Variants in SPAG16 observed in about 807,000 individuals in gnomAD.
SPAG16 encodes the protein sperm-associated antigen 16 protein.
In SPAG16, 86 loss-of-function variants were observed where a neutral mutation model predicts 80.4. That is an observed-to-expected ratio of 1.07 (90% confidence interval 0.90 to 1.28). The LOEUF is 1.28. Among genes scored for constraint, SPAG16 ranks in the 50% most tolerant of loss-of-function variants. The probability of loss-of-function intolerance (pLI) is 0.00; values close to 1 mark genes in which losing one functional copy is unlikely to be tolerated. For missense variants in SPAG16, 870 were observed against 765.3 expected, an observed-to-expected ratio of 1.14 and a Z score of -1.61; for synonymous variants, 294 against 265.9, an observed-to-expected ratio of 1.11 and a Z score of -1.03.
intron 10 of SPAG16, among the ~76,000 whole-genome samples, chr2:213,861,860 G>A (rs1294595842): frequency 6.6e-6 from 1 of 152,108 alleles, no homozygotes; most frequent in Non-Finnish European, 1.5e-5. Context: ...TATAGAGTGG[G>A]AATTGCCTTA....
intron 5 of SPAG16, among the ~76,000 whole-genome samples, chr2:213,319,535 T>G (rs1410915684): frequency 2.0e-5 from 3 of 151,930 alleles, no homozygotes; most frequent in African/African-American, 7.2e-5. Flanking sequence ...TTCTCAAAAG[T>G]GTTTTGTACT....
At position 214,228,362 on chromosome 2, in the gene SPAG16, A is replaced by G. The variant is rs141128251; in HGVS notation, c.1720+79096A>G. On this transcript the variant is annotated intron_variant, in intron 15 of 15. Transcript: ENST00000331683. ...AGCATTATATCACAGCTGATCAAGT[A>G]ATTTATCATGTTAACATATTAAAAT... Among the ~76,000 whole-genome samples the G allele has an allele frequency of 9.0e-3, 1,367 of 152,034 alleles. 9 individuals carry two copies. Among genetic ancestry groups the G allele is most frequent in the Non-Finnish European group, 0.015 (1,050 of 67,888 alleles).
chr2:214,331,781 T>C (rs1188056055), intron 15 of SPAG16, among the ~76,000 whole-genome samples: 1 of 152,226 alleles, frequency 6.6e-6, no homozygotes, highest in Non-Finnish European at 1.5e-5. Context: ...AGAAGGTCTC[T>C]AGGTCTGAGA....
At chr2:214,261,944 C>T (rs1425481660) in intron 15 of SPAG16, among the ~76,000 whole-genome samples, 1 of 152,096 alleles carries the variant, frequency 6.6e-6, no homozygotes, top group Admixed American at 6.5e-5. Context: ...AGACAAACAT[C>T]TCTGTAAATA....
At chr2:213,348,991 A>G (rs1452293349) in intron 6 of SPAG16, among the ~76,000 whole-genome samples, 2 of 152,228 alleles carry the variant, frequency 1.3e-5, no homozygotes, top group Non-Finnish European at 2.9e-5. Flanking sequence ...TATACATTTC[A>G]AAGGATGGAT....
chr2:213,346,397 G>A (rs1021370956), intron 6 of SPAG16, among the ~76,000 whole-genome samples: 3 of 152,084 alleles, frequency 2.0e-5, no homozygotes, highest in African/African-American at 7.2e-5. Flanking sequence ...TGATTGCCCT[G>A]GCCAGAACTT....
intron 15 of SPAG16, among the ~76,000 whole-genome samples, chr2:214,358,992 TCA>T (rs1698999433): frequency 1.3e-5 from 2 of 152,050 alleles, no homozygotes; most frequent in Middle Eastern, 3.4e-3. Context: ...TCTTACAGTT[TCA>T]CAGAGTTATA....
intron 15 of SPAG16, among the ~76,000 whole-genome samples, chr2:214,172,431 C>A (rs991873814): frequency 6.6e-6 from 1 of 151,158 alleles, no homozygotes; most frequent in African/African-American, 2.4e-5. Flanking sequence ...GAACTCATCA[C>A]GTTTTATGGC....
At chr2:214,187,852 G>C (rs1051059176) in intron 15 of SPAG16, among the ~76,000 whole-genome samples, 6 of 151,756 alleles carry the variant, frequency 4.0e-5, no homozygotes, top group African/African-American at 1.5e-4. Flanking sequence ...AATGAAATAG[G>C]CTCCAAACTT....
At chr2:213,791,007 T>C (rs552034531) in intron 10 of SPAG16, among the ~76,000 whole-genome samples, 18 of 152,220 alleles carry the variant, frequency 1.2e-4, no homozygotes, top group African/African-American at 3.4e-4. Flanking sequence ...CACTGAGAAA[T>C]CCCTGGTGGT....
At chr2:214,070,310 A>G (rs1366739660) in intron 13 of SPAG16, among the ~76,000 whole-genome samples, 1 of 151,956 alleles carries the variant, frequency 6.6e-6, no homozygotes, top group East Asian at 1.9e-4. Flanking sequence ...TACCAGATGA[A>G]TATTTACTTA....
chr2:214,310,153 T>TTTTC (rs1270669483), intron 15 of SPAG16, among the ~76,000 whole-genome samples: 1 of 140,962 alleles, frequency 7.1e-6, no homozygotes, highest in Non-Finnish European at 1.5e-5. Context: ...GAAACCGTCA[T>TTTTC]TTTCTTTCTT....
intron 10 of SPAG16, among the ~76,000 whole-genome samples, chr2:213,770,768 T>A (rs2069197400): frequency 1.3e-5 from 2 of 152,166 alleles, no homozygotes; most frequent in Non-Finnish European, 2.9e-5. Flanking sequence ...TCAAGCTCCA[T>A]CCATGTCCCT....
chr2:213,999,500 A>G (rs2046687836), intron 12 of SPAG16, among the ~76,000 whole-genome samples: 1 of 152,254 alleles, frequency 6.6e-6, no homozygotes, highest in South Asian at 2.1e-4. Flanking sequence ...GTGCTCATGA[A>G]GAACCTCTGC....
At chr2:214,076,081 AT>A in intron 13 of SPAG16, among the ~76,000 whole-genome samples, 2 of 152,276 alleles carry the variant, frequency 1.3e-5, no homozygotes, top group East Asian at 3.9e-4. Context: ...TAGAGTATAT[AT>A]TTAAATGCAG....
chr2:213,583,800 G>A (rs2060375186), intron 10 of SPAG16, among the ~76,000 whole-genome samples: 1 of 152,228 alleles, frequency 6.6e-6, no homozygotes, highest in South Asian at 2.1e-4. Context: ...GACAATGAAA[G>A]ACAATTTTGT....
At chr2:213,286,656 G>A (rs952061951) in intron 1 of SPAG16, among the ~76,000 whole-genome samples, 11 of 152,282 alleles carry the variant, frequency 7.2e-5, no homozygotes, top group Middle Eastern at 3.4e-3. Context: ...CCTCTGCTTC[G>A]CACATATACT....
intron 10 of SPAG16, among the ~76,000 whole-genome samples, chr2:213,821,079 C>T (rs12464580): frequency 0.61 from 92,362 of 151,830 alleles, 30,089 homozygotes; most frequent in South Asian, 0.86. Context: ...TTTGTTCTGC[C>T]GGCTATTTTC....
chr2:213,924,365 C>A (rs573060964), intron 11 of SPAG16, among the ~76,000 whole-genome samples: 61 of 152,288 alleles, frequency 4.0e-4, no homozygotes, highest in Non-Finnish European at 7.5e-4. Context: ...GGGGAGCTCT[C>A]ACTCTCTCAC....
Sources: gnomAD v4.1 joint callset for allele counts (sites outside exome capture counted in the v4.1 genomes callset) on GRCh38, gnomAD v4.1.1 for gene constraint, MANE v1.5 for transcripts, NCBI Gene and HGNC (gene_info 2026-07-23, HGNC 2026-07-21) for gene names.